GSE1: variants seen among roughly 807,000 people sequenced by gnomAD.
GSE1 encodes genetic suppressor element 1.
In GSE1, 32 loss-of-function variants were observed where a neutral mutation model predicts 112.6. That is an observed-to-expected ratio of 0.28 (90% confidence interval 0.21 to 0.38). The LOEUF (loss-of-function observed/expected upper bound fraction) is 0.38. Ranked by LOEUF, GSE1 falls within the 10% of genes least tolerant of loss-of-function variation. GSE1 has a pLI of 1.00. For synonymous variants in GSE1, 1,115 were observed against 735.6 expected (o/e 1.52, Z -8.35); for missense variants, 2,348 against 1,699.2 (o/e 1.38, Z -6.71).
intron 1 of GSE1, among the ~76,000 whole-genome samples, chr16:85,287,693 C>A (rs2045078460): frequency 6.6e-6 from 1 of 152,052 alleles, no homozygotes; most frequent in Non-Finnish European, 1.5e-5. Context: ...CAGCCCCAGA[C>A]TTGACAGTCC....
At chr16:85,545,185 T>C (rs1175625058) in intron 2 of GSE1, among the ~76,000 whole-genome samples, 1 of 152,228 alleles carries the variant, frequency 6.6e-6, no homozygotes, top group African/African-American at 2.4e-5. Flanking sequence ...GGATGAGCTA[T>C]GTGGCCTGGG....
intron 1 of GSE1, among the ~76,000 whole-genome samples, chr16:85,298,864 G>A (rs1056034296): frequency 6.6e-6 from 1 of 152,350 alleles, no homozygotes; most frequent in East Asian, 1.9e-4. Context: ...AGTGGGTGTG[G>A]GGGAGCATAG....
intron 2 of GSE1, among the ~76,000 whole-genome samples, chr16:85,421,849 G>C (rs1450760203): frequency 6.6e-6 from 1 of 152,058 alleles, no homozygotes; most frequent in Non-Finnish European, 1.5e-5. Context: ...ATGGCTTCCG[G>C]GGTGAGGGGC....
intron 1 of GSE1, among the ~76,000 whole-genome samples, chr16:85,578,761 T>C (rs2046333396): frequency 6.6e-6 from 1 of 152,156 alleles, no homozygotes; most frequent in African/African-American, 2.4e-5. Context: ...TCAGGGCCTT[T>C]GCACAGGCTA....
chr16:85,541,246 AG>A (rs979945464), intron 2 of GSE1, among the ~76,000 whole-genome samples: 1 of 152,172 alleles, frequency 6.6e-6, no homozygotes, highest in Non-Finnish European at 1.5e-5. Flanking sequence ...GTTCCCCGGG[AG>A]GGCTGCCAGC....
intron 1 of GSE1, among the ~76,000 whole-genome samples, chr16:85,332,981 G>A (rs2046407567): frequency 6.6e-6 from 1 of 152,042 alleles, no homozygotes. Flanking sequence ...TGCTCCCAGA[G>A]TGTGTCCTTT....
chr16:85,207,081 TG>T (rs1486226392), intron 1 of GSE1, among the ~76,000 whole-genome samples: 1 of 152,174 alleles, frequency 6.6e-6, no homozygotes, highest in African/African-American at 2.4e-5. Flanking sequence ...CTCTTGGTGA[TG>T]GGGACAGGCT....
intron 2 of GSE1, among the ~76,000 whole-genome samples, chr16:85,640,764 C>T (rs1252558461): frequency 6.6e-6 from 1 of 152,258 alleles, no homozygotes; most frequent in South Asian, 2.1e-4. Flanking sequence ...GAGGAAGGAT[C>T]CCGCCTGGCA....
At chr16:85,289,640 G>A (rs554271591) in intron 1 of GSE1, among the ~76,000 whole-genome samples, 10 of 152,344 alleles carry the variant, frequency 6.6e-5, no homozygotes, top group African/African-American at 2.4e-4. Flanking sequence ...TGGCTTAGGG[G>A]CTTAGGGTAA....
At chr16:85,339,627 G>A (rs1279120085) in intron 1 of GSE1, among the ~76,000 whole-genome samples, 2 of 147,826 alleles carry the variant, frequency 1.4e-5, no homozygotes, top group Admixed American at 1.4e-4. Flanking sequence ...GGGGGAGGGG[G>A]GCAGAGAGAG....
intron 2 of GSE1, among the ~76,000 whole-genome samples, chr16:85,509,045 A>T (rs1184789475): frequency 6.6e-6 from 1 of 152,152 alleles, no homozygotes; most frequent in African/African-American, 2.4e-5. Flanking sequence ...TTGAACCAGG[A>T]CCTGAGGAAG....
rs144238002 is a variant in GSE1 at position 85,663,511 on chromosome 16, C to T, written c.2541C>T (p.Thr847=). 9.6e-5 allele frequency: 155 copies of T among 1,613,906 alleles called. No homozygotes were observed. In the Middle Eastern group the frequency reaches 1.5e-3, roughly 15 times the overall value. Residue 847 remains threonine (T), a synonymous_variant, in exon 11 of 16, where the codon ACC becomes ACT. Transcript: ENST00000253458. ...CTTCACCGAGACTGGCGCTGTCTAC[C>T]CGCTACAGCCCTGATGAGATGAACA... ...QTPSPRLALS[T]RYSPDEMNNS...
chr16:85,652,508 G>A (rs770464117), intron 3 of GSE1, among the ~76,000 whole-genome samples: 15 of 152,142 alleles, frequency 9.9e-5, no homozygotes, highest in Non-Finnish European at 2.1e-4. Context: ...CTCAGCCCGC[G>A]GGAAGGGAGC....
intron 2 of GSE1, among the ~76,000 whole-genome samples, chr16:85,398,414 C>A (rs764216873): frequency 1.2e-4 from 19 of 152,098 alleles, no homozygotes; most frequent in Non-Finnish European, 2.8e-4. Context: ...TCCCAGTCAG[C>A]AGGTCTGGGT....
chr16:85,424,388 G>A (rs920300105), intron 2 of GSE1, among the ~76,000 whole-genome samples: 1 of 152,184 alleles, frequency 6.6e-6, no homozygotes, highest in Non-Finnish European at 1.5e-5. Flanking sequence ...TTCCTGGTGA[G>A]AGGCCAGACC....
intron 1 of GSE1, among the ~76,000 whole-genome samples, chr16:85,614,052 TCC>T (rs1381080250): frequency 7.1e-6 from 1 of 140,052 alleles, no homozygotes; most frequent in Admixed American, 7.0e-5. Flanking sequence ...CTCCTCTCTC[TCC>T]CCCCACCCCC....
intron 1 of GSE1, among the ~76,000 whole-genome samples, chr16:85,249,805 C>T (rs745319981): frequency 2.0e-5 from 3 of 152,218 alleles, no homozygotes; most frequent in Non-Finnish European, 4.4e-5. Flanking sequence ...AGGGTCAGGC[C>T]GCCCTGCAGT....
At chr16:85,526,003 G>C (rs936794951) in intron 2 of GSE1, among the ~76,000 whole-genome samples, 1 of 152,218 alleles carries the variant, frequency 6.6e-6, no homozygotes, top group African/African-American at 2.4e-5. Context: ...GGACCTGCCA[G>C]ATGCCTCCAG....
At chr16:85,379,645 C>T (rs1179251751) in intron 2 of GSE1, among the ~76,000 whole-genome samples, 1 of 152,250 alleles carries the variant, frequency 6.6e-6, no homozygotes, top group East Asian at 1.9e-4. Context: ...GCCCCTCCCT[C>T]CATTGCAGGT....
Sources: allele counts gnomAD v4.1 joint callset (sites outside exome capture counted in the v4.1 genomes callset), GRCh38; gene constraint gnomAD v4.1.1; transcripts MANE v1.5; gene names NCBI Gene and HGNC (gene_info 2026-07-23, HGNC 2026-07-21).